TMEM150B: variants seen among roughly 807,000 people sequenced by gnomAD.
The protein encoded by TMEM150B is transmembrane protein 150B, also known as modulator of macroautophagy TMEM150B.
In TMEM150B, 33 loss-of-function variants were observed where a neutral mutation model predicts 25.2. The observed-to-expected ratio is 1.31, with a 90% CI of 0.99 to 1.75. The LOEUF is 1.75. Ranked by LOEUF, TMEM150B falls within the 40% of genes most tolerant of loss-of-function variation. The pLI, the probability that TMEM150B is intolerant of heterozygous loss-of-function variation, is 0.00. For synonymous variants in TMEM150B, 133 were observed against 134.8 expected (o/e 0.99, Z 0.09); for missense variants, 322 against 306.1 (o/e 1.05, Z -0.39).
intron 1 of TMEM150B, chr19:55,324,800 T>C (rs1201776663): frequency 5.1e-6 from 5 of 985,342 alleles, no homozygotes; most frequent in East Asian, 1.1e-4. Flanking sequence ...TCGCTTCTTT[T>C]TCCGGAGGTC....
At position 55,321,594 on chromosome 19, in the gene TMEM150B, A is replaced by G. The variant is rs567099207; in HGVS notation, c.-57-501T>C. ...CCCTCCTCAGAACCTAGCAGGCAGC[A>G]CCTTAGCTTCAGGGGCCCCTAACTT... On this transcript the variant is annotated intron_variant, in intron 2 of 7. Transcript: ENST00000326652. Among the ~76,000 whole-genome samples the G allele has an allele frequency of 1.2e-3, 184 of 152,096 alleles. 1 individual carries two copies. Among genetic ancestry groups the G allele is most frequent in the African/African-American group, 4.3e-3 (179 of 41,500 alleles).
chr19:55,324,676 T>TAAAATAA, intron 1 of TMEM150B: 3 of 944,440 alleles, frequency 3.2e-6, no homozygotes, highest in Non-Finnish European at 3.8e-6. Context: ...AATAAATAAA[T>TAAAATAA]AAAATAAAAA....
chr19:55,325,032 C>G (rs2089298115), intron 1 of TMEM150B, among the ~76,000 whole-genome samples: 1 of 152,192 alleles, frequency 6.6e-6, no homozygotes, highest in Non-Finnish European at 1.5e-5. Context: ...CTGGCTGATT[C>G]CCACTTCTCT....
chr19:55,312,699 C>G (rs2088837929), downstream of TMEM150B: 1 of 821,970 alleles, frequency 1.2e-6, no homozygotes, highest in Non-Finnish European at 1.9e-6. Context: ...CAGAGGCCCT[C>G]CGCGCCGGCA....
downstream of TMEM150B, chr19:55,312,533 C>CAAAAAAAAAAAAAAAAAAAA (rs372052269): frequency 3.9e-5 from 1 of 25,736 alleles, no homozygotes; most frequent in African/African-American, 1.8e-4. Flanking sequence ...CCGCCGGCGG[C>CAAAAAAAAAAAAAAAAAAAA]AAAAAAAAAA....
downstream of TMEM150B, chr19:55,311,815 G>T: frequency 1.5e-6 from 2 of 1,339,512 alleles, no homozygotes; most frequent in South Asian, 1.4e-5. Context: ...GGGTTACTGA[G>T]ACCGACTGAT....
chr19:55,313,734 C>CCGT (rs1017062645), intron 7 of TMEM150B, among the ~76,000 whole-genome samples: 1 of 152,144 alleles, frequency 6.6e-6, no homozygotes, highest in Non-Finnish European at 1.5e-5. Context: ...CTGGTCTGTC[C>CCGT]CGTCCCTCCT....
At position 55,320,654 on chromosome 19, in the gene TMEM150B, C is replaced by CAAACA. The variant is rs772240223; in HGVS notation, c.69-38_69-37insTGTTT. ...ATCAGAGTGAGTGGGCGACTCTCAC[C>CAAACA]AACAACTTTTCCTTCTGTTAACCAA... On this transcript the variant is annotated intron_variant, in intron 3 of 7. Coordinates refer to ENST00000326652, the MANE Select transcript of TMEM150B (RefSeq NM_001282011.2). The CAAACA allele has an allele frequency of 6.8e-3, 10,967 of 1,611,706 alleles. 53 individuals carry two copies. The highest frequency in any genetic ancestry group is 0.017 in the Admixed American group (1,030 of 59,870).
chr19:55,312,265 G>A, downstream of TMEM150B: 1 of 280,748 alleles, frequency 3.6e-6, no homozygotes, highest in Non-Finnish European at 6.4e-6. Context: ...CGGGGGAGCT[G>A]TTTCTATTTT....
At position 55,314,410 on chromosome 19, in the gene TMEM150B, C is replaced by G. The variant is rs376835976; in HGVS notation, c.506-1355G>C. On this transcript the variant is annotated intron_variant, in intron 7 of 7. Coordinates refer to ENST00000326652, the MANE Select transcript of TMEM150B (RefSeq NM_001282011.2). ...AGAGAATCCTCAGCCCTGGCCCTGC[C>G]AGCAGCCTCACTCCTCCCTGGGCTG... is the stretch of plus-strand genomic sequence containing the variant. Among the ~76,000 whole-genome samples, 4 of 152,162 alleles carry G rather than the reference C, an allele frequency of 2.6e-5. No homozygotes were observed. In the South Asian group the frequency reaches 8.3e-4, roughly 32 times the overall value.
chr19:55,321,293 T>C (rs1157311088), intron 2 of TMEM150B, among the ~76,000 whole-genome samples, 200 bp from the exon 3 acceptor site: 1 of 151,058 alleles, frequency 6.6e-6, no homozygotes, highest in African/African-American at 2.4e-5. Flanking sequence ...AATTTCTCCC[T>C]GTCCTCCCAG....
downstream of TMEM150B, among the ~76,000 whole-genome samples, chr19:55,310,639 G>T (rs1486453349): frequency 6.6e-6 from 1 of 152,174 alleles, no homozygotes; most frequent in Non-Finnish European, 1.5e-5. The surrounding 1 kb of genome is among the most constrained non-coding windows in gnomAD (Gnocchi z 5.0). Context: ...CTTGTAGGTG[G>T]AGGCCAGGGA....
chr19:55,311,904 C>T (rs2123018066), downstream of TMEM150B: 1 of 1,611,292 alleles, frequency 6.2e-7, no homozygotes, highest in South Asian at 1.1e-5. Flanking sequence ...CTCTTCCTCC[C>T]TTGCAGACGA....
At chr19:55,311,905 T>A (rs2088807108), downstream of TMEM150B, 7 of 1,611,132 alleles carry the variant, frequency 4.3e-6, no homozygotes, top group East Asian at 1.6e-4. Flanking sequence ...TCTTCCTCCC[T>A]TGCAGACGAG....
Position 55,321,157 on chromosome 19 carries a change from C to G in TMEM150B, c.-57-64G>C, listed in dbSNP as rs147229965. Reference sequence around the variant, plus strand: ...GATTGTGGCCCCAACCACTAGGCCCCGCTTGGCTCTCAGGCAGAAGTCACC... The same window carrying G: ...GATTGTGGCCCCAACCACTAGGCCCGGCTTGGCTCTCAGGCAGAAGTCACC... On this transcript the variant is annotated intron_variant, in intron 2 of 7. Coordinates refer to ENST00000326652, the MANE Select transcript of TMEM150B (RefSeq NM_001282011.2). 6,269 of 1,463,304 alleles carry G rather than the reference C, an allele frequency of 4.3e-3. 37 individuals are homozygous for G. The highest frequency in any genetic ancestry group is 0.019 in the Middle Eastern group (96 of 5,150). The allele number at this position is 1,463,304 out of a possible 1,614,324, so 90.6% of individuals were successfully genotyped here.
chr19:55,322,265 C>A (rs73605165), intron 2 of TMEM150B, among the ~76,000 whole-genome samples: 2,823 of 152,236 alleles, frequency 0.019, 93 homozygotes, highest in African/African-American at 0.065. Context: ...GGTCCAGACC[C>A]CAAGATAGCC....
chr19:55,323,187 T>C (rs1336537069), intron 1 of TMEM150B, among the ~76,000 whole-genome samples: 2 of 152,132 alleles, frequency 1.3e-5, no homozygotes, highest in African/African-American at 4.8e-5. Context: ...ATCCCAGCAG[T>C]TTGGGAGACC....
chr19:55,324,575 G>A (rs34950711), intron 1 of TMEM150B, among the ~76,000 whole-genome samples: 1 of 152,290 alleles, frequency 6.6e-6, no homozygotes, highest in Non-Finnish European at 1.5e-5. Flanking sequence ...TTGAACCCAG[G>A]AGGCGGAGGT....
chr19:55,322,830 C>A, intron 1 of TMEM150B, 87 bp from the exon 2 acceptor site: 2 of 576,970 alleles, frequency 3.5e-6, no homozygotes, highest in South Asian at 7.6e-5. Flanking sequence ...CCCAAACCAC[C>A]GTGTCCTGTC....
Sources: allele counts gnomAD v4.1 joint callset (sites outside exome capture counted in the v4.1 genomes callset), GRCh38; gene constraint gnomAD v4.1.1; non-coding constraint Gnocchi (gnomAD v3.1); transcripts MANE v1.5; gene names NCBI Gene and HGNC (gene_info 2026-07-23, HGNC 2026-07-21).